Variants in ARHGAP15 observed in about 807,000 individuals in gnomAD.
The protein encoded by ARHGAP15 is Rho GTPase activating protein 15.
A neutral mutation model predicts 63.7 loss-of-function variants in ARHGAP15; 51 were observed. The ratio of observed to expected loss-of-function variants is 0.80; its 90% CI spans 0.64 to 1.01. The LOEUF is 1.01. Ranked by LOEUF, ARHGAP15 falls within the 50% of genes least tolerant of loss-of-function variation. The pLI is 0.00. For synonymous variants in ARHGAP15, 191 were observed against 193.8 expected (o/e 0.99, Z 0.12); for missense variants, 560 against 564.6 (o/e 0.99, Z 0.08).
chr2:143,204,842 A>C (rs2105119665), intron 3 of ARHGAP15, among the ~76,000 whole-genome samples: 1 of 152,020 alleles, frequency 6.6e-6, no homozygotes, highest in Non-Finnish European at 1.5e-5. Context: ...AAAATAATAT[A>C]TTTGGTGCCC....
At chr2:143,682,353 C>T (rs1683138650) in intron 12 of ARHGAP15, among the ~76,000 whole-genome samples, 1 of 151,556 alleles carries the variant, frequency 6.6e-6, no homozygotes, top group African/African-American at 2.4e-5. Flanking sequence ...AATTATAACA[C>T]TTAAAACAAA....
intron 2 of ARHGAP15, chr2:143,162,395 A>G (rs1690332946): frequency 6.6e-6 from 1 of 152,040 alleles, no homozygotes; most frequent in Non-Finnish European, 1.5e-5. Flanking sequence ...TACAGAGACG[A>G]AGGCACACTG....
chr2:143,417,316 T>C (rs2105041576), intron 6 of ARHGAP15, among the ~76,000 whole-genome samples: 1 of 152,308 alleles, frequency 6.6e-6, no homozygotes, highest in South Asian at 2.1e-4. Flanking sequence ...CACATGCTTA[T>C]GCATAGGTGT....
intron 6 of ARHGAP15, among the ~76,000 whole-genome samples, chr2:143,310,117 A>T (rs994805391): frequency 6.6e-6 from 1 of 152,048 alleles, no homozygotes; most frequent in Non-Finnish European, 1.5e-5. Context: ...AATGTACTTC[A>T]TTGCATTGCT....
Position 143,537,370 on chromosome 2 carries a change from C to T in ARHGAP15, c.925+18006C>T, listed in dbSNP as rs1462197679. ...GGTGGTTTCTTTTGCTGTGCGGAAG[C>T]TCTTTAGTTTAATTAGATCCCATTT... is the stretch of plus-strand genomic sequence containing the variant. On this transcript the variant is annotated intron_variant, in intron 10 of 13. Transcript: ENST00000295095. 3.9e-5 allele frequency among the ~76,000 whole-genome samples: 6 copies of T among 152,144 alleles called. No individual in the cohort carries two copies. In the South Asian group the frequency reaches 1.2e-3, roughly 32 times the overall value.
At chr2:143,362,003 A>G (rs925064171) in intron 6 of ARHGAP15, among the ~76,000 whole-genome samples, 1 of 152,148 alleles carries the variant, frequency 6.6e-6, no homozygotes, top group African/African-American at 2.4e-5. Context: ...TCGAAGTTCT[A>G]TCCATCCTGG....
intron 6 of ARHGAP15, among the ~76,000 whole-genome samples, chr2:143,260,205 C>A (rs1292776256): frequency 1.3e-5 from 2 of 152,116 alleles, no homozygotes; most frequent in African/African-American, 2.4e-5. Context: ...TCACATCGCA[C>A]TTTTTGTTGA....
intron 11 of ARHGAP15, among the ~76,000 whole-genome samples, chr2:143,583,287 A>T (rs1459723233): frequency 6.6e-6 from 1 of 152,212 alleles, no homozygotes; most frequent in East Asian, 1.9e-4. Flanking sequence ...TTCTTTGAGA[A>T]GAATAATAAA....
intron 6 of ARHGAP15, among the ~76,000 whole-genome samples, chr2:143,333,758 A>G (rs926066577): frequency 1.1e-4 from 17 of 152,204 alleles, no homozygotes; most frequent in African/African-American, 4.1e-4. Context: ...AGCATTAGGC[A>G]CAGAAACAAG....
intron 13 of ARHGAP15, among the ~76,000 whole-genome samples, chr2:143,738,529 C>T (rs1044839593): frequency 6.6e-6 from 1 of 152,212 alleles, no homozygotes; most frequent in Admixed American, 6.5e-5. Flanking sequence ...CCGGGCCTCT[C>T]TTCGAACATC....
intron 2 of ARHGAP15, among the ~76,000 whole-genome samples, chr2:143,182,873 T>A (rs1044455571): frequency 6.6e-6 from 1 of 152,086 alleles, no homozygotes; most frequent in African/African-American, 2.4e-5. Context: ...GGAAAGAGAA[T>A]GAGCAGGACC....
chr2:143,154,239 AG>A (rs1689991723), intron 1 of ARHGAP15, among the ~76,000 whole-genome samples: 1 of 152,026 alleles, frequency 6.6e-6, no homozygotes, highest in East Asian at 2.0e-4. Context: ...AGCACATAGT[AG>A]ATACTAAGTA....
At chr2:143,648,835 T>G (rs1396410557) in intron 12 of ARHGAP15, 1 of 151,990 alleles carries the variant, frequency 6.6e-6, no homozygotes, top group African/African-American at 2.4e-5. Flanking sequence ...GATGCAGTGT[T>G]AGGTGCACAT....
At chr2:143,200,336 G>A (rs1300596473) in intron 2 of ARHGAP15, among the ~76,000 whole-genome samples, 2 of 150,250 alleles carry the variant, frequency 1.3e-5, no homozygotes, top group African/African-American at 4.9e-5. Flanking sequence ...GGGGTTCCAG[G>A]TTGTATAGAG....
intron 8 of ARHGAP15, among the ~76,000 whole-genome samples, chr2:143,468,187 T>G (rs1234089303): frequency 2.1e-5 from 3 of 145,118 alleles, no homozygotes; most frequent in East Asian, 4.0e-4. Context: ...TTTTTTCTGG[T>G]TTTTTTTTTC....
At chr2:143,379,222 A>G (rs1686946781) in intron 6 of ARHGAP15, among the ~76,000 whole-genome samples, 1 of 152,036 alleles carries the variant, frequency 6.6e-6, no homozygotes, top group African/African-American at 2.4e-5. Flanking sequence ...CAGTCTGTGC[A>G]CCACATGAGT....
At chr2:143,616,249 CAT>C (rs765570170) in intron 11 of ARHGAP15, among the ~76,000 whole-genome samples, 64 of 152,150 alleles carry the variant, frequency 4.2e-4, no homozygotes, top group Non-Finnish European at 7.9e-4. Flanking sequence ...AGCAATGACA[CAT>C]GTGTTATACT....
chr2:143,415,114 G>C (rs1473732378), intron 6 of ARHGAP15, among the ~76,000 whole-genome samples: 1 of 152,108 alleles, frequency 6.6e-6, no homozygotes, highest in Non-Finnish European at 1.5e-5. Context: ...TATATTCAGA[G>C]TGCAAGTATC....
At chr2:143,666,706 C>T (rs940363853) in intron 12 of ARHGAP15, among the ~76,000 whole-genome samples, 1 of 126,936 alleles carries the variant, frequency 7.9e-6, no homozygotes, top group African/African-American at 2.9e-5. Context: ...CTACAATGAA[C>T]TCAAACAAAT....
Sources: gnomAD v4.1 joint callset for allele counts (sites outside exome capture counted in the v4.1 genomes callset) on GRCh38, gnomAD v4.1.1 for gene constraint, MANE v1.5 for transcripts, NCBI Gene and HGNC (gene_info 2026-07-23, HGNC 2026-07-21) for gene names.